Variants in ENOX1 observed in about 807,000 individuals in gnomAD.
ENOX1 encodes the protein candidate growth-related and time keeping constitutive hydroquinone (NADH) oxidase.
Under a neutral mutation model 82.5 loss-of-function variants are expected in ENOX1, and 42 were observed. That is an observed-to-expected ratio of 0.51 (90% CI 0.40 to 0.66). The LOEUF (loss-of-function observed/expected upper bound fraction) is 0.66. Ranked by LOEUF, ENOX1 falls within the 30% of genes least tolerant of loss-of-function variation. ENOX1 has a pLI of 0.00. For missense variants in ENOX1, 608 were observed against 811.6 expected (o/e 0.75, Z 3.05); for synonymous variants, 271 against 282.2 (o/e 0.96, Z 0.40).
intron 1 of ENOX1, among the ~76,000 whole-genome samples, chr13:43,731,537 T>TA (rs2089348060): frequency 6.6e-6 from 1 of 151,696 alleles, no homozygotes; most frequent in Non-Finnish European, 1.5e-5. Flanking sequence ...GTTTTTTTTT[T>TA]TCTTTAGGAA....
At chr13:43,552,347 A>T (rs1283343328) in intron 2 of ENOX1, among the ~76,000 whole-genome samples, 3 of 100,808 alleles carry the variant, frequency 3.0e-5, no homozygotes, top group Non-Finnish European at 3.9e-5. Context: ...GCTCTTAACT[A>T]AAAAAAAAAA....
At chr13:43,605,801 G>GA (rs2081952228) in intron 2 of ENOX1, among the ~76,000 whole-genome samples, 9 of 151,988 alleles carry the variant, frequency 5.9e-5, no homozygotes, top group Admixed American at 5.9e-4. Context: ...CAAAAATGAA[G>GA]AAATAGGATC....
chr13:43,635,869 C>G (rs192259177), intron 2 of ENOX1, among the ~76,000 whole-genome samples: 14 of 152,276 alleles, frequency 9.2e-5, no homozygotes, highest in Non-Finnish European at 1.8e-4. Context: ...GTTTCAGGAA[C>G]TAGGGCAAGA....
chr13:43,668,320 T>G (rs1307128576), intron 1 of ENOX1, among the ~76,000 whole-genome samples: 3 of 152,138 alleles, frequency 2.0e-5, no homozygotes, highest in Non-Finnish European at 4.4e-5. Flanking sequence ...GCCTTATACA[T>G]CAGGCCTGTG....
At chr13:43,755,955 TACTA>T (rs1223951656) in intron 1 of ENOX1, among the ~76,000 whole-genome samples, 3 of 152,154 alleles carry the variant, frequency 2.0e-5, no homozygotes, top group Non-Finnish European at 4.4e-5. Flanking sequence ...AGAAATACCT[TACTA>T]ACTAAAAATC....
Position 43,368,223 on chromosome 13 carries a change from C to T in ENOX1, c.209-6771G>A, listed in dbSNP as rs1045326237. Among the ~76,000 whole-genome samples, 4 of 152,194 alleles carry T rather than the reference C, an allele frequency of 2.6e-5. No individual in the cohort carries two copies. The South Asian group carries it at 8.3e-4, about 32-fold the overall frequency. On this transcript the variant is annotated intron_variant, in intron 5 of 16. Coordinates refer to ENST00000690772, the MANE Select transcript of ENOX1 (RefSeq NM_001347969.2). ...GTGCCTGCCGTGCACACTTTATAAA[C>T]AAAGACTTCATTCCATCAATAAAAC... is the stretch of plus-strand genomic sequence containing the variant.
At chr13:43,374,203 T>C (rs908463789) in intron 5 of ENOX1, among the ~76,000 whole-genome samples, 4 of 150,544 alleles carry the variant, frequency 2.7e-5, no homozygotes, top group African/African-American at 7.3e-5. Flanking sequence ...CCTCCCTTTC[T>C]TTCCTTCCTT....
intron 3 of ENOX1, among the ~76,000 whole-genome samples, chr13:43,482,636 T>A (rs1473946111): frequency 1.5e-5 from 2 of 133,384 alleles, no homozygotes; most frequent in Non-Finnish European, 3.2e-5. Flanking sequence ...TGTGTGTGTG[T>A]TTTAACCACA....
At chr13:43,268,260 A>T (rs1481668382) in intron 13 of ENOX1, among the ~76,000 whole-genome samples, 1 of 152,154 alleles carries the variant, frequency 6.6e-6, no homozygotes, top group Non-Finnish European at 1.5e-5. Flanking sequence ...ACTCAGTTCC[A>T]CTTTGCTGGG....
chr13:43,269,710 C>T (rs1313640835), intron 12 of ENOX1, 133 bp from the exon 13 acceptor site: 1 of 692,756 alleles, frequency 1.4e-6, no homozygotes, highest in Non-Finnish European at 2.5e-6. Flanking sequence ...CCTCAGTTGA[C>T]CTTGTGTGTT....
intron 2 of ENOX1, among the ~76,000 whole-genome samples, chr13:43,513,514 C>T (rs566750171): frequency 6.6e-6 from 1 of 152,078 alleles, no homozygotes; most frequent in Non-Finnish European, 1.5e-5. Context: ...ACTAACAACA[C>T]ATCCTGAAGT....
intron 8 of ENOX1, among the ~76,000 whole-genome samples, chr13:43,347,084 G>A (rs1042618613): frequency 1.4e-4 from 21 of 151,890 alleles, no homozygotes; most frequent in African/African-American, 5.1e-4. Flanking sequence ...GCTTGTGGTC[G>A]CTTAGTTCAT....
At chr13:43,629,331 C>A (rs2083105517) in intron 2 of ENOX1, among the ~76,000 whole-genome samples, 1 of 152,192 alleles carries the variant, frequency 6.6e-6, no homozygotes, top group Admixed American at 6.5e-5. Flanking sequence ...GTAGGCTTCA[C>A]TGGGGGCTTT....
chr13:43,447,567 C>T (rs2325039), intron 3 of ENOX1, among the ~76,000 whole-genome samples: 55,532 of 150,472 alleles, frequency 0.37, 11,199 homozygotes, highest in South Asian at 0.47. Context: ...GGGTTTTATC[C>T]AGAATGCAGG....
intron 1 of ENOX1, among the ~76,000 whole-genome samples, chr13:43,694,623 CTTGAAGA>C (rs1387596714): frequency 6.6e-6 from 1 of 152,182 alleles, no homozygotes; most frequent in Non-Finnish European, 1.5e-5. Flanking sequence ...TTGAGTGATA[CTTGAAGA>C]TTGCTGTCAC....
chr13:43,229,312 G>A (rs1041912877), intron 15 of ENOX1, among the ~76,000 whole-genome samples: 5 of 152,180 alleles, frequency 3.3e-5, no homozygotes, highest in African/African-American at 9.7e-5. Flanking sequence ...CAGCGATTAC[G>A]TGAAGCCCTC....
intron 2 of ENOX1, among the ~76,000 whole-genome samples, chr13:43,611,171 C>T (rs979143607): frequency 6.6e-6 from 1 of 152,170 alleles, no homozygotes; most frequent in African/African-American, 2.4e-5. Context: ...TGTCATGTTT[C>T]CCATTTATAC....
At chr13:43,610,638 T>C (rs2082160538) in intron 2 of ENOX1, among the ~76,000 whole-genome samples, 1 of 152,176 alleles carries the variant, frequency 6.6e-6, no homozygotes, top group Admixed American at 6.6e-5. Context: ...ACAGCATTAG[T>C]TATTCATATT....
At chr13:43,691,330 C>G (rs150921133) in intron 1 of ENOX1, among the ~76,000 whole-genome samples, 1 of 152,100 alleles carries the variant, frequency 6.6e-6, no homozygotes, top group African/African-American at 2.4e-5. Context: ...AGACTAGTAC[C>G]TCTCGTCATC....
Sources: gnomAD v4.1 joint callset for allele counts (sites outside exome capture counted in the v4.1 genomes callset) on GRCh38, gnomAD v4.1.1 for gene constraint, MANE v1.5 for transcripts, NCBI Gene and HGNC (gene_info 2026-07-23, HGNC 2026-07-21) for gene names.